HSDL1: variants seen among roughly 807,000 people sequenced by gnomAD.
HSDL1 encodes the protein hydroxysteroid dehydrogenase like 1.
In HSDL1, 29 loss-of-function variants were observed where a neutral mutation model predicts 31.5. The ratio of observed to expected loss-of-function variants is 0.92; its 90% CI spans 0.69 to 1.26. The LOEUF (loss-of-function observed/expected upper bound fraction) is 1.26. HSDL1 is among the 50% of genes most tolerant of loss of function. The pLI is 0.00. For missense variants in HSDL1, 503 were observed against 416.6 expected (o/e 1.21, Z -1.81); for synonymous variants, 222 against 155.2 (o/e 1.43, Z -3.20).
chr16:84,128,382 A>G (rs1334154888), intron 5 of HSDL1, among the ~76,000 whole-genome samples: 1 of 152,098 alleles, frequency 6.6e-6, no homozygotes, highest in Non-Finnish European at 1.5e-5. Context: ...TGCATTCTCA[A>G]ATTAATACTT....
Position 84,129,698 on chromosome 16 carries a change from A to C in HSDL1, c.744T>G (p.Pro248=). 2 of 1,614,222 alleles carry C rather than the reference A, an allele frequency of 1.2e-6. No homozygotes were observed. The highest frequency in any genetic ancestry group is 1.7e-6 in the Non-Finnish European group (2 of 1,180,028). ...SKGIFVQSLI[P]FYVATSMTAP... The stretch of plus-strand genomic sequence containing the variant: ...CTGTCATGCTGGTGGCTACATAGAA[A>C]GGGATTAGACTCTGTACAAAGATTC... Residue 248 remains proline (P), a synonymous_variant, in exon 5 of 6, where the codon CCT becomes CCG. Transcript: ENST00000219439.
rs1413602916 is a variant in HSDL1, at chr16:84,130,252, G to T, written c.400C>A (p.Leu134Ile). 6.2e-7 allele frequency: 1 copy of T among 1,614,216 alleles called. No individual in the cohort carries two copies. Among genetic ancestry groups the T allele is most frequent in the Non-Finnish European group, 8.5e-7 (1 of 1,180,040 alleles). The change falls in exon 4 of 6, where the codon CTT becomes ATT. Residue 134 changes from leucine to isoleucine, a missense_variant. Leu to Ile is a conservative substitution (Grantham distance 5, BLOSUM62 2). Transcript: ENST00000219439. Reference protein sequence around the residue: ...ADFSSGREIYLPIREALKDKD... With the variant: ...ADFSSGREIYIPIREALKDKD... ...TCCTTCAGGGCTTCTCGAATTGGAA[G>T]GTAGATCTCACGACCGCTGCTGAAG...
Position 84,130,083 on chromosome 16 carries a change from G to T in HSDL1, c.569C>A (p.Pro190Gln), listed in dbSNP as rs760208026. The stretch of plus-strand genomic sequence containing the variant: ...ACCTTTCTTTCTCTCCACCATTCCC[G>T]GTAACACAACATGGACCATCAAACT... The part of the protein sequence containing the change: ...AASLMVHVVL[P>Q]GMVERKKGAI... The change falls in exon 4 of 6, where the codon CCG (proline) becomes CAG (glutamine). Residue 190 changes from proline to glutamine, a missense_variant. Coordinates refer to ENST00000219439, the MANE Select transcript of HSDL1 (RefSeq NM_031463.5). 1 of 1,613,968 alleles carries T rather than the reference G, an allele frequency of 6.2e-7. No homozygotes were observed. The highest frequency in any genetic ancestry group is 1.3e-5 in the African/African-American group (1 of 74,880).
chr16:84,134,577 A>G (rs769549710), intron 2 of HSDL1, among the ~76,000 whole-genome samples: 2 of 152,024 alleles, frequency 1.3e-5, no homozygotes, highest in Non-Finnish European at 2.9e-5. Context: ...GCACCACTGC[A>G]CTCCAGCCTG....
intron 1 of HSDL1, among the ~76,000 whole-genome samples, chr16:84,138,438 A>C (rs2086733292): frequency 6.6e-6 from 1 of 152,218 alleles, no homozygotes; most frequent in Non-Finnish European, 1.5e-5. Flanking sequence ...TGTAGGCTTA[A>C]AATCTGCTTA....
At position 84,141,437 on chromosome 16, in the gene HSDL1, T is replaced by G. The variant is rs142433452; in HGVS notation, c.-69+3643A>C. Among the ~76,000 whole-genome samples the G allele has an allele frequency of 2.4e-3, 371 of 152,322 alleles. 1 individual carries two copies. The highest frequency in any genetic ancestry group is 8.7e-3 in the African/African-American group (363 of 41,566). On this transcript the variant is annotated intron_variant, in intron 1 of 5. Coordinates refer to ENST00000219439, the MANE Select transcript of HSDL1 (RefSeq NM_031463.5). ...CCCCCTGCTGCTGGTGCTAGGCACGTGCACTGTTTCTGCTGGTTTTGATTT... is the reference window on the plus strand; with the variant it reads ...CCCCCTGCTGCTGGTGCTAGGCACGGGCACTGTTTCTGCTGGTTTTGATTT...
Position 84,129,197 on chromosome 16 carries a change from C to T in HSDL1, c.894+351G>A, listed in dbSNP as rs373759762. 2.3e-4 allele frequency among the ~76,000 whole-genome samples: 35 copies of T among 151,952 alleles called. No homozygotes were observed. In the South Asian group the frequency reaches 7.1e-3, roughly 31 times the overall value. Reference sequence around the variant, plus strand: ...GAGATCAAGACCATCCTGGCTAACACGGTGAAACCCCGTCTCTACTAAAAA... The same window carrying T: ...GAGATCAAGACCATCCTGGCTAACATGGTGAAACCCCGTCTCTACTAAAAA... On this transcript the variant is annotated intron_variant, in intron 5 of 5. Coordinates refer to ENST00000219439, the MANE Select transcript of HSDL1 (RefSeq NM_031463.5).
At chr16:84,134,570 C>A (rs1294465165) in intron 2 of HSDL1, among the ~76,000 whole-genome samples, 3 of 152,116 alleles carry the variant, frequency 2.0e-5, no homozygotes, top group Non-Finnish European at 2.9e-5. Flanking sequence ...CAAGATTGCA[C>A]CACTGCACTC....
chr16:84,127,164 T>A (rs144058060), intron 5 of HSDL1, among the ~76,000 whole-genome samples: 104 of 151,838 alleles, frequency 6.8e-4, no homozygotes, highest in Non-Finnish European at 1.0e-3. Flanking sequence ...TTTTCTCAAG[T>A]AATTAAAGGA....
At position 84,129,988 on chromosome 16, in the gene HSDL1, T is replaced by C. The variant is rs2086646289; in HGVS notation, c.664A>G (p.Lys222Glu). The change falls in exon 4 of 6, where the codon AAG (lysine) becomes GAG (glutamate). Residue 222 changes from lysine (K) to glutamate (E), a missense_variant and splice_region_variant. By Grantham distance (56) the Lys-to-Glu change is moderately conservative. Transcript: ENST00000219439. ...TCTTCCAGTAAGTAACATCTGACCT[T>C]AGAAGCAGAAAATGCAGCCAGCTGA... The part of the protein sequence containing the change: ...TPQLAAFSAS[K>E]AYLDHFSRAL... 1.9e-6 allele frequency: 3 copies of C among 1,612,466 alleles called. No individual in the cohort carries two copies. Among genetic ancestry groups the C allele is most frequent in the Non-Finnish European group, 1.7e-6 (2 of 1,178,802 alleles).
chr16:84,136,034 G>C (rs1284765254), intron 1 of HSDL1, among the ~76,000 whole-genome samples: 2 of 152,204 alleles, frequency 1.3e-5, no homozygotes, highest in Non-Finnish European at 2.9e-5. Context: ...TTTCACCTGG[G>C]CCTCCCACTG....
intron 2 of HSDL1, among the ~76,000 whole-genome samples, chr16:84,133,519 C>A (rs942725101): frequency 1.3e-5 from 2 of 152,148 alleles, no homozygotes; most frequent in Non-Finnish European, 2.9e-5. Flanking sequence ...GGCAGGTGGT[C>A]AGGAGTTCAA....
intron 2 of HSDL1, among the ~76,000 whole-genome samples, chr16:84,134,312 C>T (rs547904923): frequency 3.3e-5 from 5 of 152,102 alleles, no homozygotes; most frequent in African/African-American, 1.2e-4. Flanking sequence ...ACATTAATAT[C>T]CTATAAGAAC....
At chr16:84,127,920 G>C (rs1342081853) in intron 5 of HSDL1, among the ~76,000 whole-genome samples, 25 of 150,462 alleles carry the variant, frequency 1.7e-4, no homozygotes, top group East Asian at 6.1e-4. Flanking sequence ...GGGGTTTCAC[G>C]GTGTTAGCCA....
chr16:84,135,246 G>T (rs1022719423), intron 2 of HSDL1, among the ~76,000 whole-genome samples: 1 of 120,878 alleles, frequency 8.3e-6, no homozygotes, highest in South Asian at 2.9e-4. Context: ...AAAGAAAAAA[G>T]AAAAAAAAAA....
chr16:84,140,092 C>G (rs1425316161), intron 1 of HSDL1, among the ~76,000 whole-genome samples: 1 of 152,068 alleles, frequency 6.6e-6, no homozygotes, highest in African/African-American at 2.4e-5. Flanking sequence ...CGTGGCACTG[C>G]CCCCACCTCT....
rs1058444 is a variant in HSDL1 at position 84,122,675 on chromosome 16, C to T, written c.*1955G>A. The T allele has an allele frequency of 6.6e-6, 1 of 152,024 alleles. No individual in the cohort carries two copies. The highest frequency in any genetic ancestry group is 2.1e-4 in the South Asian group (1 of 4,818). 9.4% of individuals were successfully genotyped at this position (152,024 alleles called of 1,614,324 possible). A position where few individuals can be genotyped will look rare whatever the true frequency, so the allele number is the denominator to read the frequency against. On this transcript the variant is annotated 3_prime_UTR_variant, in exon 6 of 6. Transcript: ENST00000219439. ...CCCCTATTTCCCACATTCTTAATGA[C>T]ACCCCATCCACAGTGGTCCAATCAA... is the stretch of plus-strand genomic sequence containing the variant.
At chr16:84,140,289 G>A (rs771232723) in intron 1 of HSDL1, among the ~76,000 whole-genome samples, 3 of 152,168 alleles carry the variant, frequency 2.0e-5, no homozygotes, top group South Asian at 2.1e-4. Flanking sequence ...TTTTTAGGCC[G>A]AGTCTTGTTC....
At chr16:84,125,870 G>A (rs1243424760) in intron 5 of HSDL1, among the ~76,000 whole-genome samples, 2 of 152,210 alleles carry the variant, frequency 1.3e-5, no homozygotes, top group Non-Finnish European at 1.5e-5. Context: ...TTGGGAGGCC[G>A]AGGCGGGTGG....
Sources: allele counts gnomAD v4.1 joint callset (sites outside exome capture counted in the v4.1 genomes callset), GRCh38; gene constraint gnomAD v4.1.1; transcripts MANE v1.5; gene names NCBI Gene and HGNC (gene_info 2026-07-23, HGNC 2026-07-21).